Variants in FSTL5 observed in about 807,000 individuals in gnomAD.
FSTL5 encodes the protein follistatin-related protein 5.
In FSTL5, 62 loss-of-function variants were observed where a neutral mutation model predicts 89.1. The ratio of observed to expected loss-of-function variants is 0.70; its 90% CI spans 0.57 to 0.86. FSTL5 has a LOEUF of 0.86. Ranked by LOEUF, FSTL5 falls within the 40% of genes least tolerant of loss-of-function variation. The pLI, the probability that FSTL5 is intolerant of heterozygous loss-of-function variation, is 0.00. For missense variants in FSTL5, 1,057 were observed against 1,001.6 expected (o/e 1.06, Z -0.75); for synonymous variants, 383 against 346.2 (o/e 1.11, Z -1.18).
intron 4 of FSTL5, among the ~76,000 whole-genome samples, chr4:161,785,403 C>A (rs1167920218): frequency 1.3e-5 from 2 of 152,004 alleles, no homozygotes; most frequent in African/African-American, 2.4e-5. Flanking sequence ...CAGAAAGAAC[C>A]TTTGGTTGAT....
At chr4:161,680,650 G>GT (rs138198269) in intron 6 of FSTL5, among the ~76,000 whole-genome samples, 39,096 of 149,578 alleles carry the variant, frequency 0.26, 6,332 homozygotes, top group Non-Finnish European at 0.35. Context: ...CTTATTTTGT[G>GT]TTTTTTTTTA....
chr4:161,810,883 T>C (rs1369123), intron 4 of FSTL5, among the ~76,000 whole-genome samples: 113,153 of 152,026 alleles, frequency 0.74, 42,114 homozygotes, highest in Admixed American at 0.77. Flanking sequence ...AAAGCAACCA[T>C]AGCAACAAAC....
chr4:161,760,358 C>A (rs1740746402), intron 5 of FSTL5, among the ~76,000 whole-genome samples: 1 of 152,084 alleles, frequency 6.6e-6, no homozygotes, highest in Non-Finnish European at 1.5e-5. Context: ...CATACAAAGG[C>A]AGGGATTTAT....
At chr4:161,543,307 T>C (rs1400245012) in intron 8 of FSTL5, among the ~76,000 whole-genome samples, 3 of 152,096 alleles carry the variant, frequency 2.0e-5, no homozygotes, top group Admixed American at 1.3e-4. Flanking sequence ...AGACACTTTG[T>C]ATTCCTGGAT....
intron 6 of FSTL5, among the ~76,000 whole-genome samples, chr4:161,682,170 T>G (rs534367779): frequency 6.6e-6 from 1 of 152,206 alleles, no homozygotes; most frequent in Non-Finnish European, 1.5e-5. Flanking sequence ...AAAATTACCA[T>G]GAAAGGAGCT....
chr4:161,709,929 A>G (rs1195501527), intron 6 of FSTL5, among the ~76,000 whole-genome samples: 1 of 152,130 alleles, frequency 6.6e-6, no homozygotes, highest in East Asian at 1.9e-4. Flanking sequence ...AATAGCAAAG[A>G]CCATTTTAGT....
intron 2 of FSTL5, among the ~76,000 whole-genome samples, chr4:162,100,891 C>T (rs1472909316): frequency 6.6e-6 from 1 of 152,128 alleles, no homozygotes; most frequent in Non-Finnish European, 1.5e-5. Context: ...CAAGAGAAAG[C>T]AAACCACACT....
intron 4 of FSTL5, among the ~76,000 whole-genome samples, chr4:161,804,693 C>G (rs907667237): frequency 6.6e-6 from 1 of 151,904 alleles, no homozygotes; most frequent in Non-Finnish European, 1.5e-5. Context: ...TCAAATTCAA[C>G]TTCTTGAGAT....
At chr4:161,721,278 C>A (rs186096982) in intron 6 of FSTL5, among the ~76,000 whole-genome samples, 1,767 of 92,584 alleles carry the variant, frequency 0.019, 37 homozygotes, top group African/African-American at 0.051. Context: ...GAGCGAGACT[C>A]CGTCTCAAAA....
chr4:161,614,717 G>A (rs2126638951), intron 7 of FSTL5, among the ~76,000 whole-genome samples: 1 of 152,080 alleles, frequency 6.6e-6, no homozygotes, highest in Non-Finnish European at 1.5e-5. Flanking sequence ...AACTATCTAT[G>A]CTGATTAATA....
At chr4:161,430,369 G>T (rs1020239040) in intron 15 of FSTL5, among the ~76,000 whole-genome samples, 2 of 152,074 alleles carry the variant, frequency 1.3e-5, no homozygotes, top group Non-Finnish European at 2.9e-5. Flanking sequence ...CTAGAAAGAG[G>T]TATCCATATT....
At chr4:161,592,401 T>G (rs1337254380) in intron 7 of FSTL5, among the ~76,000 whole-genome samples, 2 of 152,044 alleles carry the variant, frequency 1.3e-5, no homozygotes, top group Non-Finnish European at 2.9e-5. Context: ...CATTAGGTAT[T>G]TCTCCTAATG....
chr4:162,026,304 C>CTTTTTTCTTTTTTTTTTT (rs1737282272), intron 3 of FSTL5, among the ~76,000 whole-genome samples: 1 of 79,470 alleles, frequency 1.3e-5, no homozygotes, highest in Non-Finnish European at 2.2e-5. Flanking sequence ...TATGTATTTT[C>CTTTTTTCTTTTTTTTTTT]TTTTTTTTTT....
chr4:161,898,279 T>C (rs1019325718), intron 4 of FSTL5, among the ~76,000 whole-genome samples: 46 of 151,624 alleles, frequency 3.0e-4, no homozygotes, highest in Non-Finnish European at 6.0e-4. Flanking sequence ...TATATCACTG[T>C]TTACCCATTC....
intron 5 of FSTL5, among the ~76,000 whole-genome samples, chr4:161,761,269 T>C (rs1199946580): frequency 6.6e-6 from 1 of 152,166 alleles, no homozygotes; most frequent in Admixed American, 6.5e-5. Flanking sequence ...AAAATACATA[T>C]ATTACAATTT....
At chr4:162,069,629 T>C (rs1416777416) in intron 2 of FSTL5, among the ~76,000 whole-genome samples, 1 of 151,960 alleles carries the variant, frequency 6.6e-6, no homozygotes, top group Non-Finnish European at 1.5e-5. Context: ...TCTATATGAG[T>C]TAGAGCAAGT....
chr4:161,555,926 G>C (rs1485626760), intron 8 of FSTL5, among the ~76,000 whole-genome samples: 1 of 151,484 alleles, frequency 6.6e-6, no homozygotes, highest in African/African-American at 2.4e-5. Context: ...ACTTAGATGG[G>C]AATTGAACCT....
chr4:161,418,116 C>T (rs868283075), intron 15 of FSTL5, among the ~76,000 whole-genome samples: 19 of 152,164 alleles, frequency 1.2e-4, no homozygotes, highest in African/African-American at 3.9e-4. Flanking sequence ...CCCAATGATG[C>T]GTACATTAAG....
chr4:161,504,220 C>G (rs1320957005), intron 11 of FSTL5, among the ~76,000 whole-genome samples: 1 of 151,862 alleles, frequency 6.6e-6, no homozygotes, highest in African/African-American at 2.4e-5. Flanking sequence ...ATTTCTATTT[C>G]CATTTCTAAT....
Sources: gnomAD v4.1 joint callset for allele counts (sites outside exome capture counted in the v4.1 genomes callset) on GRCh38, gnomAD v4.1.1 for gene constraint, MANE v1.5 for transcripts, NCBI Gene and HGNC (gene_info 2026-07-23, HGNC 2026-07-21) for gene names.